The following FAR2 variants were observed in gnomAD, a reference collection of about 807,000 sequenced individuals.
The protein encoded by FAR2 is fatty acyl-CoA reductase 2, also known as epididymis secretory protein Li 81.
FAR2 carries 19 observed loss-of-function variants against 56.0 expected under a neutral mutation model. That is an observed-to-expected ratio of 0.34 (90% CI 0.24 to 0.50). The LOEUF (loss-of-function observed/expected upper bound fraction) is 0.50. FAR2 is among the 20% of genes least tolerant of loss of function. The pLI, the probability that FAR2 is intolerant of heterozygous loss-of-function variation, is 0.98. For synonymous variants in FAR2, 219 were observed against 218.8 expected, an observed-to-expected ratio of 1.00 and a Z score of -0.01; for missense variants, 508 against 642.2, an observed-to-expected ratio of 0.79 and a Z score of 2.26.
At chr12:29,208,953 T>C (rs1947509444) in intron 1 of FAR2, among the ~76,000 whole-genome samples, 1 of 152,032 alleles carries the variant, frequency 6.6e-6, no homozygotes, top group South Asian at 2.1e-4. Context: ...GAAACCAACC[T>C]GCTTTAGGTG....
chr12:29,194,397 T>C (rs545804826), intron 1 of FAR2, among the ~76,000 whole-genome samples: 2 of 152,212 alleles, frequency 1.3e-5, no homozygotes, highest in African/African-American at 4.8e-5. Flanking sequence ...GGTACTGATA[T>C]GATTGTGCCT....
intron 9 of FAR2, among the ~76,000 whole-genome samples, chr12:29,319,692 C>G (rs1200553189): frequency 2.0e-5 from 3 of 152,164 alleles, no homozygotes; most frequent in Non-Finnish European, 4.4e-5. Context: ...CCTGGCTTCA[C>G]CAATTTAGCC....
At chr12:29,169,680 G>C (rs1949866810) in intron 1 of FAR2, among the ~76,000 whole-genome samples, 2 of 152,232 alleles carry the variant, frequency 1.3e-5, no homozygotes, top group Non-Finnish European at 2.9e-5. Flanking sequence ...AGGAGGTCTA[G>C]GCCTTGGCGG....
chr12:29,236,737 G>A (rs1349567966), intron 1 of FAR2, among the ~76,000 whole-genome samples: 1 of 151,554 alleles, frequency 6.6e-6, no homozygotes, highest in East Asian at 1.9e-4. Context: ...TTCCAGATGA[G>A]ATTTGGGTGG....
chr12:29,302,521 T>C (rs1437102714), intron 4 of FAR2, among the ~76,000 whole-genome samples: 1 of 152,128 alleles, frequency 6.6e-6, no homozygotes, highest in East Asian at 1.9e-4. Flanking sequence ...TGGCAGCGCA[T>C]GTGTTACGTG....
At chr12:29,274,660 T>A (rs1287718524) in intron 2 of FAR2, among the ~76,000 whole-genome samples, 1 of 151,944 alleles carries the variant, frequency 6.6e-6, no homozygotes, top group Non-Finnish European at 1.5e-5. Flanking sequence ...CCACAAAAGA[T>A]GTGAAAATGG....
chr12:29,243,110 A>G (rs187892699), intron 1 of FAR2, among the ~76,000 whole-genome samples: 3 of 152,306 alleles, frequency 2.0e-5, no homozygotes, highest in Middle Eastern at 3.4e-3. Context: ...AGGCTGTTGC[A>G]TGGGGAAGCT....
intron 4 of FAR2, among the ~76,000 whole-genome samples, chr12:29,303,708 C>T (rs1949212852): frequency 6.6e-6 from 1 of 152,180 alleles, no homozygotes; most frequent in Non-Finnish European, 1.5e-5. Context: ...ACTAAAAAAG[C>T]TGACCTCTTC....
intron 1 of FAR2, among the ~76,000 whole-genome samples, chr12:29,184,619 T>C (rs1029562704): frequency 2.0e-5 from 3 of 151,822 alleles, no homozygotes; most frequent in African/African-American, 7.3e-5. Context: ...CTATTTTTAG[T>C]AGAGACAGGG....
At chr12:29,205,112 T>C (rs977762576) in intron 1 of FAR2, among the ~76,000 whole-genome samples, 11 of 152,214 alleles carry the variant, frequency 7.2e-5, no homozygotes, top group African/African-American at 2.7e-4. Flanking sequence ...GTTGCTTTCA[T>C]GGAGAAATTT....
intron 4 of FAR2, among the ~76,000 whole-genome samples, chr12:29,306,659 A>G (rs1380709567): frequency 6.6e-6 from 1 of 152,238 alleles, no homozygotes; most frequent in Non-Finnish European, 1.5e-5. Context: ...AATGTTAAAT[A>G]TATAATTGAC....
At chr12:29,149,478 TGG>T (rs1949662899) in intron 1 of FAR2, 71 bp downstream of exon 1, 1 of 151,872 alleles carries the variant, frequency 6.6e-6, no homozygotes, top group Non-Finnish European at 1.5e-5. Flanking sequence ...GGACTGGGGG[TGG>T]CCCAGGAGGG....
Position 29,310,950 on chromosome 12 carries a change from C to T in FAR2, c.769-78C>T, listed in dbSNP as rs1184404849. On this transcript the variant is annotated intron_variant, in intron 6 of 11. Coordinates refer to ENST00000536681, the MANE Select transcript of FAR2 (RefSeq NM_001271783.2). ...TTTTCACTTATTGCACTAGTATAAC[C>T]AGTTTGATGATACATACTTTAGCCC... 2.9e-6 allele frequency: 3 copies of T among 1,039,648 alleles called. No individual in the cohort carries two copies. In the East Asian group the frequency reaches 7.1e-5, roughly 25 times the overall value. 64.4% of individuals were successfully genotyped at this position (1,039,648 alleles called of 1,614,324 possible).
chr12:29,307,465 G>C (rs912060472), intron 4 of FAR2, among the ~76,000 whole-genome samples, 193 bp from the exon 5 acceptor site: 1 of 150,890 alleles, frequency 6.6e-6, no homozygotes, highest in Non-Finnish European at 1.5e-5. Flanking sequence ...GATAAGATTG[G>C]GCTTAGCAGT....
intron 4 of FAR2, among the ~76,000 whole-genome samples, chr12:29,299,760 G>T (rs6487803): frequency 1.3e-5 from 2 of 151,890 alleles, no homozygotes; most frequent in African/African-American, 2.4e-5. Context: ...AAAGAAGTAA[G>T]GCCTTCCCTC....
chr12:29,262,503 G>A (rs528129277), intron 1 of FAR2, among the ~76,000 whole-genome samples: 4 of 152,162 alleles, frequency 2.6e-5, no homozygotes, highest in East Asian at 1.9e-4. Context: ...GGTGGCGCAC[G>A]CCTGTAATCC....
chr12:29,255,273 T>C (rs1211748003), intron 1 of FAR2, among the ~76,000 whole-genome samples: 5 of 152,210 alleles, frequency 3.3e-5, no homozygotes. Flanking sequence ...AGCCTTTCTC[T>C]GTGTCTGCCT....
intron 1 of FAR2, among the ~76,000 whole-genome samples, chr12:29,210,104 G>T (rs567175217): frequency 1.3e-5 from 2 of 151,964 alleles, no homozygotes; most frequent in South Asian, 4.2e-4. Context: ...GCTACTTGGA[G>T]GCTGAAAGTG....
intron 1 of FAR2, chr12:29,151,884 G>A (rs554696180): frequency 1.6e-4 from 25 of 152,272 alleles, no homozygotes; most frequent in African/African-American, 5.3e-4. Flanking sequence ...ATGTCTACTT[G>A]CTTTGAATAG....
Sources: allele counts gnomAD v4.1 joint callset (sites outside exome capture counted in the v4.1 genomes callset), GRCh38; gene constraint gnomAD v4.1.1; transcripts MANE v1.5; gene names NCBI Gene and HGNC (gene_info 2026-07-23, HGNC 2026-07-21).